DPYSL5: variants seen among roughly 807,000 people sequenced by gnomAD.
The protein encoded by DPYSL5 is dihydropyrimidinase like 5, also known as dihydropyrimidinase-related protein 5.
Under a neutral mutation model 58.4 loss-of-function variants are expected in DPYSL5, and 9 were observed. That is an observed-to-expected ratio of 0.15 (90% CI 0.09 to 0.27). DPYSL5 has a LOEUF of 0.27. Among genes scored for constraint, DPYSL5 ranks in the 10% least tolerant of loss-of-function variants. The pLI is 1.00. For synonymous variants in DPYSL5, 293 were observed against 301.9 expected, an observed-to-expected ratio of 0.97 and a Z score of 0.31; for missense variants, 499 against 770.6, an observed-to-expected ratio of 0.65 and a Z score of 4.17.
chr2:26,871,262 A>C (rs1304345470), intron 1 of DPYSL5, among the ~76,000 whole-genome samples: 1 of 152,130 alleles, frequency 6.6e-6, no homozygotes, highest in Non-Finnish European at 1.5e-5. Flanking sequence ...TCCTAACTTG[A>C]GTTGCTTACT....
At chr2:26,868,776 T>C (rs1285054172) in intron 1 of DPYSL5, among the ~76,000 whole-genome samples, 3 of 152,158 alleles carry the variant, frequency 2.0e-5, no homozygotes, top group Admixed American at 2.0e-4. Context: ...TTTTTATAAT[T>C]TTCTCAACTC....
Position 26,849,153 on chromosome 2 carries a change from C to A in DPYSL5, c.-5+899C>A, listed in dbSNP as rs561483439. Among the ~76,000 whole-genome samples, 11 of 94,412 alleles carry A rather than the reference C, an allele frequency of 1.2e-4. No homozygotes were observed. In the South Asian group the frequency reaches 3.5e-3, roughly 30 times the overall value. 61.9% of individuals were successfully genotyped at this position (94,412 alleles called of 152,430 possible). Reference sequence around the variant, plus strand: ...GAGGAGGAAAGAGAAGGGGCGGGGGCGGGTCCGAAGAACGAGGGAAGGAGC... The same window carrying A: ...GAGGAGGAAAGAGAAGGGGCGGGGGAGGGTCCGAAGAACGAGGGAAGGAGC... On this transcript the variant is annotated intron_variant, in intron 1 of 12. Transcript: ENST00000288699. This position sits in a 1 kb window ranked among gnomAD's most constrained non-coding sequence, Gnocchi z 6.2.
chr2:26,914,804 G>A (rs916514682), intron 2 of DPYSL5, among the ~76,000 whole-genome samples: 4 of 152,032 alleles, frequency 2.6e-5, no homozygotes, highest in Non-Finnish European at 5.9e-5. Flanking sequence ...ACTCACCTAC[G>A]GGGAGCAGGA....
chr2:26,922,949 C>T (rs546488179), intron 2 of DPYSL5, among the ~76,000 whole-genome samples: 7 of 152,312 alleles, frequency 4.6e-5, no homozygotes, highest in African/African-American at 1.2e-4. Context: ...TTCCCCAGGA[C>T]GACTGGGAAC....
At chr2:26,859,138 A>G in intron 1 of DPYSL5, among the ~76,000 whole-genome samples, 1 of 152,142 alleles carries the variant, frequency 6.6e-6, no homozygotes, top group Non-Finnish European at 1.5e-5. Flanking sequence ...GTTCCGTTGG[A>G]ATGTACTAGA....
intron 9 of DPYSL5, among the ~76,000 whole-genome samples, chr2:26,940,661 T>G (rs1327253563): frequency 6.6e-6 from 1 of 151,894 alleles, no homozygotes; most frequent in Non-Finnish European, 1.5e-5. Context: ...TCATATTTTT[T>G]TCTTTTACCA....
Position 26,942,195 on chromosome 2 carries a change from A to AATAGTG in DPYSL5, c.1232+103_1232+104insATAGTG. 6.5e-7 allele frequency: 1 copy of AATAGTG among 1,529,590 alleles called. No individual in the cohort carries two copies. The highest frequency in any genetic ancestry group is 8.8e-7 in the Non-Finnish European group (1 of 1,130,926). 94.8% of individuals were successfully genotyped at this position (1,529,590 alleles called of 1,614,324 possible). A position where few individuals can be genotyped will look rare whatever the true frequency, so the allele number is the denominator to read the frequency against. Reference sequence around the variant, plus strand: ...CATATAATTTTGCACTATTTCTAGCACAAAATATGGCCCTGGCCTACCGTT... The same window carrying AATAGTG: ...CATATAATTTTGCACTATTTCTAGCAATAGTGCAAAATATGGCCCTGGCCTACCGTT... On this transcript the variant is annotated intron_variant, in intron 10 of 12. Transcript: ENST00000288699. This position sits in a 1 kb window ranked among gnomAD's most constrained non-coding sequence, Gnocchi z 5.9.
intron 1 of DPYSL5, among the ~76,000 whole-genome samples, chr2:26,875,479 G>A (rs1358556569): frequency 6.6e-6 from 1 of 152,244 alleles, no homozygotes; most frequent in Non-Finnish European, 1.5e-5. Flanking sequence ...ACAAAGAAGG[G>A]TGTGTCAGCC....
Position 26,860,351 on chromosome 2 carries a change from G to A in DPYSL5, c.-5+12097G>A, listed in dbSNP as rs545545087. Among the ~76,000 whole-genome samples, 8 of 152,332 alleles carry A rather than the reference G, an allele frequency of 5.3e-5. No homozygotes were observed. In the East Asian group the frequency reaches 1.5e-3, roughly 29 times the overall value. ...ACAACGCCTCTCCCCTCCTGTGTCTGTCAAATGAGAAGATGCAGACTGGAT... is the reference window on the plus strand; with the variant it reads ...ACAACGCCTCTCCCCTCCTGTGTCTATCAAATGAGAAGATGCAGACTGGAT... On this transcript the variant is annotated intron_variant, in intron 1 of 12. Coordinates refer to ENST00000288699, the MANE Select transcript of DPYSL5 (RefSeq NM_020134.4).
chr2:26,863,931 A>G (rs1383423445), intron 1 of DPYSL5, among the ~76,000 whole-genome samples: 2 of 152,232 alleles, frequency 1.3e-5, no homozygotes, highest in African/African-American at 2.4e-5. Context: ...TTTAATAGAT[A>G]CAAGGAATTT....
chr2:26,863,356 C>T (rs933720220), intron 1 of DPYSL5, among the ~76,000 whole-genome samples: 2 of 152,230 alleles, frequency 1.3e-5, no homozygotes, highest in African/African-American at 4.8e-5. Flanking sequence ...ACCTGCCCCC[C>T]AGGCATGTAC....
chr2:26,930,867 G>A (rs1209641960), intron 5 of DPYSL5, among the ~76,000 whole-genome samples: 4 of 151,632 alleles, frequency 2.6e-5, no homozygotes, highest in Admixed American at 6.6e-5. Context: ...CCAGCTACGC[G>A]GGAGGCTGGG....
At chr2:26,871,723 G>A (rs187510103) in intron 1 of DPYSL5, among the ~76,000 whole-genome samples, 37 of 152,168 alleles carry the variant, frequency 2.4e-4, no homozygotes, top group African/African-American at 7.5e-4. Context: ...TTACAGATGT[G>A]AGCCACCACA....
intron 12 of DPYSL5, 90 bp from the exon 13 acceptor site, chr2:26,946,820 A>T (rs577535419): frequency 5.3e-6 from 5 of 952,290 alleles, no homozygotes; most frequent in Middle Eastern, 2.1e-4. Context: ...CACTCAGGCC[A>T]TGCACACAGT....
intron 1 of DPYSL5, among the ~76,000 whole-genome samples, chr2:26,896,466 T>C (rs1664023299): frequency 6.6e-6 from 1 of 152,238 alleles, no homozygotes; most frequent in Non-Finnish European, 1.5e-5. Context: ...CTGTATACTG[T>C]TTTCCATAAT....
chr2:26,860,130 G>A (rs904845264), intron 1 of DPYSL5, among the ~76,000 whole-genome samples: 4 of 152,146 alleles, frequency 2.6e-5, no homozygotes, highest in Non-Finnish European at 5.9e-5. Flanking sequence ...AAGTGAAAAC[G>A]TGCACTGAGT....
Position 26,947,029 on chromosome 2 carries a change from C to A in DPYSL5, c.*34C>A. 1 of 1,527,798 alleles carries A rather than the reference C, an allele frequency of 6.5e-7. No homozygotes were observed. The allele number at this position is 1,527,798 out of a possible 1,614,324, so 94.6% of individuals were successfully genotyped here. ...CCAAGCCCCCCGAGTGAGGACGCACCGCCGCCACCAGCCCGCAACTCTCCA... is the reference window on the plus strand; with the variant it reads ...CCAAGCCCCCCGAGTGAGGACGCACAGCCGCCACCAGCCCGCAACTCTCCA... On this transcript the variant is annotated 3_prime_UTR_variant, in exon 13 of 13. Coordinates refer to ENST00000288699, the MANE Select transcript of DPYSL5 (RefSeq NM_020134.4). This position sits in a 1 kb window ranked among gnomAD's most constrained non-coding sequence, Gnocchi z 4.2.
intron 1 of DPYSL5, among the ~76,000 whole-genome samples, chr2:26,863,971 A>C (rs1464292934): frequency 1.3e-5 from 2 of 152,212 alleles, no homozygotes; most frequent in African/African-American, 4.8e-5. Flanking sequence ...GACCGGGTGC[A>C]GTGGCTCACA....
chr2:26,858,711 A>G (rs1358209826), intron 1 of DPYSL5, among the ~76,000 whole-genome samples: 1 of 149,806 alleles, frequency 6.7e-6, no homozygotes, highest in Non-Finnish European at 1.5e-5. Flanking sequence ...CCACAGGTGC[A>G]GGTGGATGCC....
Sources: allele counts gnomAD v4.1 joint callset (sites outside exome capture counted in the v4.1 genomes callset), GRCh38; gene constraint gnomAD v4.1.1; non-coding constraint Gnocchi (gnomAD v3.1); transcripts MANE v1.5; gene names NCBI Gene and HGNC (gene_info 2026-07-23, HGNC 2026-07-21).